AHNAK: variants seen among roughly 807,000 people sequenced by gnomAD.
AHNAK encodes the protein neuroblast differentiation-associated protein AHNAK.
In AHNAK, 23 loss-of-function variants were observed where a neutral mutation model predicts 37.8. The observed-to-expected ratio is 0.61, with a 90% CI of 0.44 to 0.86. The LOEUF (loss-of-function observed/expected upper bound fraction) is 0.86. Ranked by LOEUF, AHNAK falls within the 40% of genes least tolerant of loss-of-function variation. The pLI is 0.00. For synonymous variants in AHNAK, 2,481 were observed against 2,636.3 expected (o/e 0.94, Z 1.80); for missense variants, 7,411 against 7,319.4 (o/e 1.01, Z -0.46).
chr11:62,490,070 G>A (rs1466773249), intron 5 of AHNAK, among the ~76,000 whole-genome samples: 1 of 152,114 alleles, frequency 6.6e-6, no homozygotes, highest in Non-Finnish European at 1.5e-5. Flanking sequence ...GGGGGGACTG[G>A]AGTGAAGGGA....
chr11:62,537,987 G>C (rs1941006622), intron 1 of AHNAK, among the ~76,000 whole-genome samples: 1 of 152,000 alleles, frequency 6.6e-6, no homozygotes. Flanking sequence ...GGCCGACCGA[G>C]TCTGTAAGTC....
chr11:62,533,348 T>C lies in AHNAK; in HGVS notation c.1069A>G (p.Ser357Gly). The stretch of plus-strand genomic sequence containing the variant: ...CCCTCAATATTGGCAGAGGGCACAC[T>C]GACTTCCAGCTGAGGGGCTTGGATA... The part of the protein sequence containing the change: ...LTIQAPQLEV[S>G]VPSANIEGLE... Residue 357 changes from serine (S) to glycine (G), a missense_variant, in exon 5 of 5, where the codon AGT becomes GGT. Transcript: ENST00000378024. 1.3e-6 allele frequency: 2 copies of C among 1,559,392 alleles called. No individual in the cohort carries two copies. The highest frequency in any genetic ancestry group is 1.7e-4 in the Middle Eastern group (1 of 5,744).
intron 5 of AHNAK, among the ~76,000 whole-genome samples, chr11:62,447,428 A>G (rs1476144167): frequency 6.6e-6 from 1 of 152,160 alleles, no homozygotes; most frequent in Non-Finnish European, 1.5e-5. Context: ...AAGAGGCATG[A>G]GGAGAACGTC....
chr11:62,450,597 G>A (rs1316533398), intron 5 of AHNAK, among the ~76,000 whole-genome samples: 1 of 152,216 alleles, frequency 6.6e-6, no homozygotes, highest in African/African-American at 2.4e-5. Flanking sequence ...GCAAACTACA[G>A]CTCCAGCTGT....
At chr11:62,433,844 A>G (rs756672382) in exon 6 of AHNAK, 10 of 1,613,624 alleles carry the variant, frequency 6.2e-6, no homozygotes, top group Non-Finnish European at 1.7e-6. Flanking sequence ...ACGGTCACAA[A>G]AACAACCTTA....
At position 62,526,425 on chromosome 11, in the gene AHNAK, C is replaced by A; in HGVS notation, c.7992G>T (p.Lys2664Asn). The change falls in exon 5 of 5, where the codon AAG becomes AAT. Residue 2664 changes from lysine to asparagine, a missense_variant. Transcript: ENST00000378024. ...EGPDGDVKLP[K>N]ADIDVSGPKV... ...TGGGTCCTGAGACATCAATGTCAGC[C>A]TTGGGCAGCTTCACATCCCCATCTG... is the stretch of plus-strand genomic sequence containing the variant. The A allele has an allele frequency of 1.2e-6, 2 of 1,611,630 alleles. No homozygotes were observed. The highest frequency in any genetic ancestry group is 1.7e-6 in the Non-Finnish European group (2 of 1,179,524).
At chr11:62,508,087 G>A (rs1939840352) in intron 4 of AHNAK, among the ~76,000 whole-genome samples, 1 of 152,120 alleles carries the variant, frequency 6.6e-6, no homozygotes, top group South Asian at 2.1e-4. Flanking sequence ...GGGATTACAG[G>A]AGTGAGCTAT....
chr11:62,450,785 C>T (rs953563726), intron 5 of AHNAK, among the ~76,000 whole-genome samples: 30 of 152,272 alleles, frequency 2.0e-4, no homozygotes, highest in Admixed American at 1.6e-3. Context: ...CAGACTGGGA[C>T]GCCTCTCTCG....
chr11:62,505,352 G>C (rs1288155105), intron 4 of AHNAK, among the ~76,000 whole-genome samples: 1 of 152,066 alleles, frequency 6.6e-6, no homozygotes, highest in African/African-American at 2.4e-5. Flanking sequence ...TTGACAGTTC[G>C]GCCAATGGGG....
intron 1 of AHNAK, among the ~76,000 whole-genome samples, chr11:62,540,720 A>C (rs2134263728): frequency 1.3e-5 from 2 of 152,330 alleles, no homozygotes; most frequent in East Asian, 3.9e-4. Context: ...CTAAGGCAGA[A>C]GACTGCTTGG....
Position 62,521,922 on chromosome 11 carries a change from G to A in AHNAK, c.12495C>T (p.Ile4165=). 2 of 1,613,330 alleles carry A rather than the reference G, an allele frequency of 1.2e-6. No homozygotes were observed. The highest frequency in any genetic ancestry group is 1.7e-6 in the Non-Finnish European group (2 of 1,179,830). ...CATCAATGTCCACTTTGGGGCCCTT[G>A]ATGTCAACTTCAGGGCCCTTGAGGT... ...EGDLKGPEVD[I]KGPKVDIDVP... is the part of the protein sequence containing the mutation. The change falls in exon 5 of 5, where the codon ATC becomes ATT. Residue 4165 remains isoleucine, a synonymous_variant. Coordinates refer to ENST00000378024, the MANE Select transcript of AHNAK (RefSeq NM_001620.3).
chr11:62,458,845 C>A (rs1488605497), intron 5 of AHNAK, among the ~76,000 whole-genome samples: 2 of 152,128 alleles, frequency 1.3e-5, no homozygotes, highest in African/African-American at 4.8e-5. Flanking sequence ...GAATCAGACA[C>A]TCTAGGGTGG....
chr11:62,452,770 A>G (rs779644725), intron 5 of AHNAK, among the ~76,000 whole-genome samples: 1 of 152,034 alleles, frequency 6.6e-6, no homozygotes, highest in Non-Finnish European at 1.5e-5. Flanking sequence ...CGCACCTGTA[A>G]TCCCAACACT....
In AHNAK at chr11:62,521,481, C is replaced by T; in HGVS notation, c.12936G>A (p.Trp4312Ter). Residue 4312 changes from tryptophan (W) to a stop codon, truncating the protein, a stop_gained, in exon 5 of 5, where the codon TGG (tryptophan) becomes TGA (stop). Transcript: ENST00000378024. LOFTEE classifies it low-confidence loss of function (END_TRUNC). The part of the protein sequence containing the change: ...APDVDVHGPD[W>*]HLKMPKVKMP... ...TTTTCACCTTGGGCATCTTCAGGTG[C>T]CAGTCTGGGCCATGAACATCTACAT... 6.2e-7 allele frequency: 1 copy of T among 1,611,634 alleles called. No individual in the cohort carries two copies. Among genetic ancestry groups the T allele is most frequent in the South Asian group, 1.1e-5 (1 of 90,938 alleles).
chr11:62,522,202 C>A lies in AHNAK; in HGVS notation c.12215G>T (p.Gly4072Val). ...CACTTCTGGGCCCTCTCCTTTAAAT[C>A]CTGGCATGCTGAATTTGGGCATTTT... Reference protein sequence around the residue: ...KVKMPKFSMPGFKGEGPEVDV... With the variant: ...KVKMPKFSMPVFKGEGPEVDV... The change falls in exon 5 of 5, where the codon GGA (glycine) becomes GTA (valine). Residue 4072 changes from glycine (G) to valine (V), a missense_variant. Gly to Val is a moderately radical substitution (Grantham distance 109, BLOSUM62 -3). Transcript: ENST00000378024. 1.9e-6 allele frequency: 3 copies of A among 1,613,382 alleles called. No individual in the cohort carries two copies. Among genetic ancestry groups the A allele is most frequent in the Non-Finnish European group, 2.5e-6 (3 of 1,179,874 alleles).
In AHNAK at chr11:62,528,475, T is replaced by C; in HGVS notation, c.5942A>G (p.Glu1981Gly). Residue 1981 changes from glutamate to glycine, a missense_variant, in exon 5 of 5, where the codon GAG (glutamate) becomes GGG (glycine). Physicochemically the swap from Glu to Gly is moderately conservative, Grantham distance 98. Transcript: ENST00000378024. ...GATCTTGGGGGTCTTGAAGTGCATC[T>C]CAGGCATCTTAAACTTGGGCCCTTT... ...KLKGPKFKMP[E>G]MHFKTPKISM... 6.2e-7 allele frequency: 1 copy of C among 1,613,352 alleles called. No homozygotes were observed. The highest frequency in any genetic ancestry group is 8.5e-7 in the Non-Finnish European group (1 of 1,179,898).
intron 5 of AHNAK, among the ~76,000 whole-genome samples, chr11:62,470,504 G>T (rs2134846947): frequency 6.6e-6 from 1 of 152,088 alleles, no homozygotes; most frequent in East Asian, 1.9e-4. Context: ...TACTCGGGAG[G>T]CTGAGACAGG....
In AHNAK at chr11:62,533,251, G is replaced by A. The variant is rs1940825773; in HGVS notation, c.1166C>T (p.Ala389Val). ...SLEGDLGLKG[A>V]KPQGHIGVDA... ...CACCCCAATGTGCCCCTGTGGCTTG[G>A]CACCTTTCAGGCCTAGGTCACCCTC... Residue 389 changes from alanine (A) to valine (V), a missense_variant, in exon 5 of 5, where the codon GCC becomes GTC. Coordinates refer to ENST00000378024, the MANE Select transcript of AHNAK (RefSeq NM_001620.3). 11 of 1,525,620 alleles carry A rather than the reference G, an allele frequency of 7.2e-6. No homozygotes were observed. The highest frequency in any genetic ancestry group is 1.4e-5 in the African/African-American group (1 of 71,730). 94.5% of individuals were successfully genotyped at this position (1,525,620 alleles called of 1,614,324 possible).
At chr11:62,435,731 A>G (rs756454008) in intron 5 of AHNAK, among the ~76,000 whole-genome samples, 49 of 152,014 alleles carry the variant, frequency 3.2e-4, no homozygotes, top group Non-Finnish European at 5.9e-4. Context: ...TATCTTTTTA[A>G]GAGATGGGGT....
Sources: allele counts gnomAD v4.1 joint callset (sites outside exome capture counted in the v4.1 genomes callset), GRCh38; gene constraint gnomAD v4.1.1; transcripts MANE v1.5; gene names NCBI Gene and HGNC (gene_info 2026-07-23, HGNC 2026-07-21).